CACNA2D3: variants seen among roughly 807,000 people sequenced by gnomAD.
The protein encoded by CACNA2D3 is voltage-dependent calcium channel subunit alpha-2/delta-3.
In CACNA2D3, 60 loss-of-function variants were observed where a neutral mutation model predicts 160.6. The ratio of observed to expected loss-of-function variants is 0.37; its 90% CI spans 0.30 to 0.46. The LOEUF is 0.46. CACNA2D3 is among the 20% of genes least tolerant of loss of function. The pLI is 1.00. For synonymous variants in CACNA2D3, 558 were observed against 492.9 expected (o/e 1.13, Z -1.75); for missense variants, 1,205 against 1,365.0 (o/e 0.88, Z 1.85).
chr3:54,974,940 T>A (rs887969697), intron 29 of CACNA2D3, among the ~76,000 whole-genome samples: 3 of 152,232 alleles, frequency 2.0e-5, no homozygotes, highest in African/African-American at 7.2e-5. Context: ...TCCCATTTCC[T>A]TTTATTGGAC....
At chr3:54,147,395 G>C (rs536087494) in intron 2 of CACNA2D3, among the ~76,000 whole-genome samples, 1 of 152,360 alleles carries the variant, frequency 6.6e-6, no homozygotes, top group East Asian at 1.9e-4. Context: ...AATCAGAGGA[G>C]CCCTTGCTTG....
rs1218979589 is a variant in CACNA2D3 at position 54,663,684 on chromosome 3, G to A, written c.1167+21443G>A. On this transcript the variant is annotated intron_variant, in intron 11 of 37. Coordinates refer to ENST00000474759, the MANE Select transcript of CACNA2D3 (RefSeq NM_018398.3). ...TCTCCCCAAAATGTGGTCACTGCCT[G>A]ACTAACTCATACCAGCTGACACATC... is the stretch of plus-strand genomic sequence containing the variant. 1.1e-4 allele frequency among the ~76,000 whole-genome samples: 17 copies of A among 152,312 alleles called. No homozygotes were observed. The East Asian group carries it at 2.9e-3, about 26-fold the overall frequency.
chr3:54,212,138 A>G (rs1474561512), intron 2 of CACNA2D3, among the ~76,000 whole-genome samples: 1 of 152,238 alleles, frequency 6.6e-6, no homozygotes, highest in Admixed American at 6.5e-5. Flanking sequence ...CTGAATCAAC[A>G]TAGAAAATAT....
chr3:54,367,366 C>T (rs1389850520), intron 3 of CACNA2D3, among the ~76,000 whole-genome samples: 2 of 152,180 alleles, frequency 1.3e-5, no homozygotes, highest in South Asian at 2.1e-4. Context: ...ATCCTCTGGC[C>T]ATCGGCACTT....
chr3:55,051,769 T>C (rs1004290532), intron 35 of CACNA2D3, among the ~76,000 whole-genome samples: 30 of 152,064 alleles, frequency 2.0e-4, no homozygotes, highest in African/African-American at 6.8e-4. Context: ...TCCGTGGGCG[T>C]AGGACCCTCC....
intron 2 of CACNA2D3, among the ~76,000 whole-genome samples, chr3:54,284,876 G>A (rs1424979419): frequency 6.6e-6 from 1 of 152,180 alleles, no homozygotes; most frequent in Non-Finnish European, 1.5e-5. Flanking sequence ...CAATGATGAT[G>A]TCCAATGTAT....
At chr3:54,606,847 A>G (rs1698638367) in intron 9 of CACNA2D3, among the ~76,000 whole-genome samples, 1 of 152,156 alleles carries the variant, frequency 6.6e-6, no homozygotes, top group South Asian at 2.1e-4. Flanking sequence ...ATAAAAGTCT[A>G]AATTAACATA....
intron 2 of CACNA2D3, among the ~76,000 whole-genome samples, chr3:54,186,186 G>T (rs1032871295): frequency 6.6e-6 from 1 of 152,208 alleles, no homozygotes; most frequent in African/African-American, 2.4e-5. Context: ...GACACTCACT[G>T]TGAGCTTGGT....
chr3:55,065,865 T>C (rs1262116762), intron 35 of CACNA2D3, among the ~76,000 whole-genome samples: 1 of 152,224 alleles, frequency 6.6e-6, no homozygotes, highest in Non-Finnish European at 1.5e-5. Context: ...TGGCATGCTA[T>C]GTTGCTTTTT....
intron 26 of CACNA2D3, among the ~76,000 whole-genome samples, chr3:54,898,480 C>G (rs1575539648): frequency 6.6e-6 from 1 of 152,174 alleles, no homozygotes; most frequent in East Asian, 1.9e-4. Flanking sequence ...TCCTTGGCTT[C>G]CCAAAGTGCT....
chr3:54,834,962 C>T (rs1698641748), intron 14 of CACNA2D3, among the ~76,000 whole-genome samples: 1 of 152,218 alleles, frequency 6.6e-6, no homozygotes, highest in South Asian at 2.1e-4. Flanking sequence ...GACCCACCCA[C>T]ATTATGGAGA....
intron 9 of CACNA2D3, chr3:54,626,148 GCAAGGGGAGTCT>G: frequency 1.5e-6 from 1 of 651,388 alleles, no homozygotes; most frequent in Non-Finnish European, 2.8e-6. Context: ...AATAGAAAAA[GCAAGGGGAGTCT>G]CACGATAACT....
At chr3:54,997,782 A>T (rs745831312) in intron 31 of CACNA2D3, among the ~76,000 whole-genome samples, 10 of 152,190 alleles carry the variant, frequency 6.6e-5, no homozygotes, top group Non-Finnish European at 1.0e-4. Context: ...TCCAAAGGGC[A>T]GCCAACGTTG....
intron 27 of CACNA2D3, among the ~76,000 whole-genome samples, chr3:54,932,072 C>T (rs1701203510): frequency 6.6e-6 from 1 of 152,052 alleles, no homozygotes; most frequent in South Asian, 2.1e-4. Flanking sequence ...GTCTGAGCTA[C>T]TCGGGAGGCT....
intron 14 of CACNA2D3, among the ~76,000 whole-genome samples, chr3:54,820,390 C>T (rs983333589): frequency 6.6e-6 from 1 of 151,918 alleles, no homozygotes; most frequent in Non-Finnish European, 1.5e-5. Context: ...GAGGGTCTTC[C>T]AAAACTTCTA....
In CACNA2D3 at chr3:54,376,940, A is replaced by C. The variant is rs566447229; in HGVS notation, c.322-9775A>C. On this transcript the variant is annotated intron_variant, in intron 3 of 37. Transcript: ENST00000474759. The stretch of plus-strand genomic sequence containing the variant: ...TTGGAACAGATTTTTCTCTGCATCA[A>C]ATTTATATAAAAATCCATCTTGAGA... Among the ~76,000 whole-genome samples, 17 of 152,330 alleles carry C rather than the reference A, an allele frequency of 1.1e-4. No homozygotes were observed. The South Asian group carries it at 3.5e-3, about 32-fold the overall frequency.
At chr3:55,026,275 C>G (rs1413726793) in intron 35 of CACNA2D3, among the ~76,000 whole-genome samples, 1 of 152,142 alleles carries the variant, frequency 6.6e-6, no homozygotes, top group Non-Finnish European at 1.5e-5. Context: ...AAGGAGGTCT[C>G]TAAGGAATTC....
intron 4 of CACNA2D3, among the ~76,000 whole-genome samples, chr3:54,495,180 T>C (rs916505164): frequency 6.6e-6 from 1 of 152,120 alleles, no homozygotes; most frequent in Non-Finnish European, 1.5e-5. Flanking sequence ...CATTGATTGG[T>C]CTTTCAGCAG....
intron 11 of CACNA2D3, among the ~76,000 whole-genome samples, chr3:54,658,656 A>G (rs1233054365): frequency 6.6e-6 from 1 of 152,218 alleles, no homozygotes; most frequent in African/African-American, 2.4e-5. Flanking sequence ...GATAAATGGG[A>G]CTACACCAAA....
Sources: allele counts gnomAD v4.1 joint callset (sites outside exome capture counted in the v4.1 genomes callset), GRCh38; gene constraint gnomAD v4.1.1; transcripts MANE v1.5; gene names NCBI Gene and HGNC (gene_info 2026-07-23, HGNC 2026-07-21).